The following PRKAR2B variants were observed in gnomAD, a reference collection of about 807,000 sequenced individuals.
PRKAR2B encodes protein kinase cAMP-dependent type II regulatory subunit beta.
PRKAR2B carries 14 observed loss-of-function variants against 49.9 expected under a neutral mutation model. The ratio of observed to expected loss-of-function variants is 0.28; its 90% CI spans 0.19 to 0.44. The LOEUF (loss-of-function observed/expected upper bound fraction) is 0.44. Ranked by LOEUF, PRKAR2B falls within the 20% of genes least tolerant of loss-of-function variation. The pLI is 1.00. For synonymous variants in PRKAR2B, 196 were observed against 197.7 expected, an observed-to-expected ratio of 0.99 and a Z score of 0.07; for missense variants, 393 against 537.9, an observed-to-expected ratio of 0.73 and a Z score of 2.67.
chr7:107,155,784 C>T (rs1258370099), intron 8 of PRKAR2B, among the ~76,000 whole-genome samples: 1 of 152,158 alleles, frequency 6.6e-6, no homozygotes, highest in African/African-American at 2.4e-5. Context: ...ATAAATCATT[C>T]TGCTATAAAG....
chr7:107,048,887 T>C (rs1793750757), intron 1 of PRKAR2B, among the ~76,000 whole-genome samples: 3 of 152,210 alleles, frequency 2.0e-5, no homozygotes, highest in Admixed American at 2.0e-4. Context: ...TGATAGTGGC[T>C]TATGGTGACC....
chr7:107,113,533 TACTC>T (rs1795211509), intron 2 of PRKAR2B, among the ~76,000 whole-genome samples: 1 of 152,214 alleles, frequency 6.6e-6, no homozygotes, highest in African/African-American at 2.4e-5. Context: ...TTGATCCACT[TACTC>T]TCTGCTGCTT....
intron 2 of PRKAR2B, among the ~76,000 whole-genome samples, chr7:107,121,264 A>G (rs1392603537): frequency 2.0e-5 from 3 of 152,096 alleles, no homozygotes; most frequent in Non-Finnish European, 4.4e-5. Flanking sequence ...ATAGACAAAT[A>G]TCGATGCATG....
chr7:107,124,321 G>T (rs1795445257), intron 3 of PRKAR2B, among the ~76,000 whole-genome samples: 1 of 152,198 alleles, frequency 6.6e-6, no homozygotes, highest in Non-Finnish European at 1.5e-5. Flanking sequence ...ATTTTTTGGA[G>T]TTCCACCTGT....
rs113332360 is a variant in PRKAR2B, at chr7:107,143,516, A to G, written c.587+2563A>G. ...GTGCAGGTATTCTGGGGATGCTACT[A>G]TGCTGCTTAGTTGCCCCAAACACAT... is the stretch of plus-strand genomic sequence containing the variant. On this transcript the variant is annotated intron_variant, in intron 5 of 10. Transcript: ENST00000265717. Among the ~76,000 whole-genome samples, 175 of 152,300 alleles carry G rather than the reference A, an allele frequency of 1.1e-3. 2 individuals carry two copies. The highest frequency in any genetic ancestry group is 4.1e-3 in the African/African-American group (172 of 41,556).
chr7:107,119,178 A>G (rs915790936), intron 2 of PRKAR2B, among the ~76,000 whole-genome samples: 24 of 152,330 alleles, frequency 1.6e-4, no homozygotes, highest in Middle Eastern at 3.4e-3. Context: ...TGTGAATTAA[A>G]ATTTAAGATC....
chr7:107,132,263 G>A (rs1017645828), intron 4 of PRKAR2B, among the ~76,000 whole-genome samples: 1 of 152,198 alleles, frequency 6.6e-6, no homozygotes, highest in African/African-American at 2.4e-5. Flanking sequence ...TGATGGGAGT[G>A]ATGGAGCTAA....
chr7:107,125,896 G>A (rs1648992619), intron 3 of PRKAR2B, among the ~76,000 whole-genome samples: 1 of 151,930 alleles, frequency 6.6e-6, no homozygotes, highest in South Asian at 2.1e-4. Flanking sequence ...AGACCAGCCT[G>A]GCCAAGATGG....
intron 10 of PRKAR2B, among the ~76,000 whole-genome samples, chr7:107,158,224 C>CT (rs1433425884): frequency 6.6e-6 from 1 of 151,262 alleles, no homozygotes; most frequent in African/African-American, 2.4e-5. Context: ...GAGTGAAAGT[C>CT]TATTACAGTA....
At chr7:107,079,157 C>T (rs557419392) in intron 2 of PRKAR2B, among the ~76,000 whole-genome samples, 4 of 152,118 alleles carry the variant, frequency 2.6e-5, no homozygotes, top group Admixed American at 1.3e-4. Context: ...TAATTACAAG[C>T]GGAGTTTAGG....
At chr7:107,156,730 C>T (rs780365764) in intron 8 of PRKAR2B, among the ~76,000 whole-genome samples, 15 of 150,870 alleles carry the variant, frequency 9.9e-5, no homozygotes, top group Non-Finnish European at 1.8e-4. Flanking sequence ...GGTGTGAACC[C>T]GGGAGGTGGA....
At chr7:107,109,645 T>C (rs1447293624) in intron 2 of PRKAR2B, among the ~76,000 whole-genome samples, 2 of 151,890 alleles carry the variant, frequency 1.3e-5, no homozygotes, top group Non-Finnish European at 2.9e-5. Flanking sequence ...AATAGAAAAA[T>C]AAGAATATCA....
At position 107,072,678 on chromosome 7, in the gene PRKAR2B, C is replaced by T. The variant is rs533797669; in HGVS notation, c.343+2362C>T. Among the ~76,000 whole-genome samples the T allele has an allele frequency of 4.3e-4, 65 of 152,174 alleles. 1 individual carries two copies. Among genetic ancestry groups the T allele is most frequent in the African/African-American group, 1.4e-3 (58 of 41,536 alleles). ...TTTTGTTAATTTAATTTAGTGCTAACATGAAGTTTAGTAATAGAGATGTAC... is the reference window on the plus strand; with the variant it reads ...TTTTGTTAATTTAATTTAGTGCTAATATGAAGTTTAGTAATAGAGATGTAC... On this transcript the variant is annotated intron_variant, in intron 2 of 10. Coordinates refer to ENST00000265717, the MANE Select transcript of PRKAR2B (RefSeq NM_002736.3).
chr7:107,075,898 A>T (rs186157057), intron 2 of PRKAR2B, among the ~76,000 whole-genome samples: 1 of 152,298 alleles, frequency 6.6e-6, no homozygotes, highest in East Asian at 1.9e-4. Flanking sequence ...TAGGTTTTCT[A>T]AAAAATTGTA....
At chr7:107,114,332 G>C (rs1037366998) in intron 2 of PRKAR2B, among the ~76,000 whole-genome samples, 1 of 72,606 alleles carries the variant, frequency 1.4e-5, no homozygotes, top group Non-Finnish European at 2.6e-5. Context: ...AGCTGTGTGT[G>C]TGTGTGTGTG....
At chr7:107,045,884 A>G (rs1374175736) in intron 1 of PRKAR2B, among the ~76,000 whole-genome samples, 4 of 152,228 alleles carry the variant, frequency 2.6e-5, no homozygotes, top group Non-Finnish European at 4.4e-5. Flanking sequence ...GAACGAGGAA[A>G]TGGGTTAATG....
chr7:107,099,681 C>G (rs969825713), intron 2 of PRKAR2B, among the ~76,000 whole-genome samples: 4 of 151,136 alleles, frequency 2.6e-5, no homozygotes, highest in African/African-American at 9.7e-5. Flanking sequence ...CTCTGTTGCC[C>G]AGGCTGGAGT....
chr7:107,068,515 AAT>A (rs1794198055), intron 1 of PRKAR2B: 1 of 152,124 alleles, frequency 6.6e-6, no homozygotes, highest in Admixed American at 6.6e-5. Flanking sequence ...TGTGTAGTAA[AAT>A]ATATATAACA....
chr7:107,101,382 G>A (rs1794963316), intron 2 of PRKAR2B, among the ~76,000 whole-genome samples: 1 of 152,056 alleles, frequency 6.6e-6, no homozygotes, highest in South Asian at 2.1e-4. Flanking sequence ...AAGTATACTA[G>A]CTTTTACTTT....
Sources: gnomAD v4.1 joint callset for allele counts (sites outside exome capture counted in the v4.1 genomes callset) on GRCh38, gnomAD v4.1.1 for gene constraint, MANE v1.5 for transcripts, NCBI Gene and HGNC (gene_info 2026-07-23, HGNC 2026-07-21) for gene names.